EIF2B3: variants seen among roughly 807,000 people sequenced by gnomAD.
EIF2B3 encodes the protein eukaryotic translation initiation factor 2B subunit gamma.
Under a neutral mutation model 54.1 loss-of-function variants are expected in EIF2B3, and 20 were observed. The ratio of observed to expected loss-of-function variants is 0.37; its 90% CI spans 0.26 to 0.54. The LOEUF (loss-of-function observed/expected upper bound fraction) is 0.54, where lower values mean the gene tolerates loss of function less well. Ranked by LOEUF, EIF2B3 falls within the 20% of genes least tolerant of loss-of-function variation. The pLI is 0.86. For synonymous variants in EIF2B3, 153 were observed against 188.1 expected, an observed-to-expected ratio of 0.81 and a Z score of 1.52; for missense variants, 448 against 547.8, an observed-to-expected ratio of 0.82 and a Z score of 1.82.
intron 3 of EIF2B3, among the ~76,000 whole-genome samples, chr1:44,955,523 A>T (rs1644213389): frequency 6.6e-6 from 1 of 152,224 alleles, no homozygotes; most frequent in South Asian, 2.1e-4. Flanking sequence ...ATGGAATCTA[A>T]TTAAACTAAA....
intron 1 of EIF2B3, among the ~76,000 whole-genome samples, chr1:44,984,908 G>A (rs1411015356): frequency 7.1e-6 from 1 of 140,924 alleles, no homozygotes; most frequent in East Asian, 2.2e-4. Flanking sequence ...CCGGGTTCAC[G>A]CCATTCTCCT....
intron 3 of EIF2B3, among the ~76,000 whole-genome samples, chr1:44,947,695 C>CT (rs1031759390): frequency 6.6e-6 from 1 of 152,146 alleles, no homozygotes; most frequent in Non-Finnish European, 1.5e-5. Context: ...CTTCTCTACT[C>CT]ACCCAGTGCT....
intron 10 of EIF2B3, among the ~76,000 whole-genome samples, chr1:44,865,335 TC>T (rs896745422): frequency 6.6e-6 from 1 of 152,220 alleles, no homozygotes; most frequent in African/African-American, 2.4e-5. Flanking sequence ...TGATGTCTTT[TC>T]TTTGGTTCAC....
chr1:44,915,128 G>A (rs1643595780), intron 5 of EIF2B3, among the ~76,000 whole-genome samples: 1 of 151,440 alleles, frequency 6.6e-6, no homozygotes, highest in East Asian at 2.0e-4. Flanking sequence ...GTGAAACCCT[G>A]TCTCTACTTA....
At chr1:44,859,264 G>A (rs1197026537) in intron 10 of EIF2B3, among the ~76,000 whole-genome samples, 5 of 152,318 alleles carry the variant, frequency 3.3e-5, no homozygotes, top group East Asian at 1.9e-4. Context: ...TCGCACCACC[G>A]CACTCTAGCC....
Position 44,957,060 on chromosome 1 carries a change from C to T in EIF2B3, c.295-15395G>A, listed in dbSNP as rs922300263. Reference sequence around the variant, plus strand: ...GGAGGATTACTTGAACTCATGAGTTCGAGACTAGCTAGCCTAGGCAACATC... The same window carrying T: ...GGAGGATTACTTGAACTCATGAGTTTGAGACTAGCTAGCCTAGGCAACATC... On this transcript the variant is annotated intron_variant, in intron 3 of 11. Coordinates refer to ENST00000360403, the MANE Select transcript of EIF2B3 (RefSeq NM_020365.5). Among the ~76,000 whole-genome samples, 9 of 152,046 alleles carry T rather than the reference C, an allele frequency of 5.9e-5. No homozygotes were observed. In the East Asian group the frequency reaches 1.2e-3, roughly 20 times the overall value.
chr1:44,904,925 C>T (rs1474287195), intron 5 of EIF2B3, among the ~76,000 whole-genome samples: 1 of 152,074 alleles, frequency 6.6e-6, no homozygotes, highest in Non-Finnish European at 1.5e-5. Flanking sequence ...AACTAGAGAC[C>T]AAGATATGCT....
intron 3 of EIF2B3, among the ~76,000 whole-genome samples, chr1:44,962,029 T>C (rs188563948): frequency 1.3e-5 from 2 of 152,164 alleles, no homozygotes; most frequent in Admixed American, 1.3e-4. Context: ...TTGTCTCTAC[T>C]AAAAACACAA....
intron 3 of EIF2B3, among the ~76,000 whole-genome samples, chr1:44,971,422 G>A (rs1224782995): frequency 4.0e-5 from 6 of 151,428 alleles, no homozygotes; most frequent in African/African-American, 1.5e-4. Flanking sequence ...GTAACTTGGA[G>A]AGTAAAATGC....
intron 4 of EIF2B3, among the ~76,000 whole-genome samples, chr1:44,932,812 C>T (rs1315401288): frequency 6.6e-6 from 1 of 152,064 alleles, no homozygotes. Flanking sequence ...AAGTTTATAT[C>T]CAGCCAAAAT....
At chr1:44,860,182 C>T (rs1654565436) in intron 10 of EIF2B3, among the ~76,000 whole-genome samples, 1 of 152,018 alleles carries the variant, frequency 6.6e-6, no homozygotes, top group South Asian at 2.1e-4. Flanking sequence ...CAAGGTCTCA[C>T]TTTGTCACCC....
In EIF2B3 at chr1:44,879,914, C is replaced by G. The variant is rs527264601; in HGVS notation, c.879G>C (p.Leu293Phe). The change falls in exon 8 of 12, where the codon TTG becomes TTC. Residue 293 changes from leucine (L) to phenylalanine (F), a missense_variant. Leu to Phe is a conservative substitution (Grantham distance 22). Around this residue, in one of 3 missense-constraint regions of EIF2B3, gnomAD observed 350 missense variants for 414.2 expected, o/e 0.85. Transcript: ENST00000360403. ...NACRGDRWED[L>F]SRSQVRCYVH... is the part of the protein sequence containing the mutation. ...CATAGCAGCGCACCTGTGATCTGGA[C>G]AAGTCTTCCCACCTGTCTCCTCGAC... 1.9e-6 allele frequency: 3 copies of G among 1,614,172 alleles called. No individual in the cohort carries two copies. The South Asian group carries it at 3.3e-5, about 18-fold the overall frequency.
At chr1:44,946,224 C>A (rs1242227915) in intron 3 of EIF2B3, among the ~76,000 whole-genome samples, 2 of 152,128 alleles carry the variant, frequency 1.3e-5, no homozygotes, top group Admixed American at 6.6e-5. Context: ...AAGAACAGGG[C>A]CTAGCATACA....
At chr1:44,976,060 G>A (rs1644450136) in intron 3 of EIF2B3, among the ~76,000 whole-genome samples, 1 of 152,120 alleles carries the variant, frequency 6.6e-6, no homozygotes, top group Non-Finnish European at 1.5e-5. Flanking sequence ...GATGGGCAGA[G>A]ATTTCTTAGG....
At chr1:44,947,112 TC>T (rs1286204683) in intron 3 of EIF2B3, among the ~76,000 whole-genome samples, 1 of 152,108 alleles carries the variant, frequency 6.6e-6, no homozygotes, top group Non-Finnish European at 1.5e-5. Context: ...TCCAAAGATC[TC>T]CCTACTCACT....
At chr1:44,889,130 G>T (rs1051578737) in intron 6 of EIF2B3, among the ~76,000 whole-genome samples, 1 of 152,156 alleles carries the variant, frequency 6.6e-6, no homozygotes, top group African/African-American at 2.4e-5. Context: ...GAACCATCTT[G>T]AATTTTCCTT....
chr1:44,942,034 G>C (rs996963227), intron 3 of EIF2B3, among the ~76,000 whole-genome samples: 1 of 151,960 alleles, frequency 6.6e-6, no homozygotes, highest in Non-Finnish European at 1.5e-5. Context: ...CACATAGTTT[G>C]ATGACTTAAT....
At chr1:44,945,476 C>T (rs1343240663) in intron 3 of EIF2B3, among the ~76,000 whole-genome samples, 1 of 151,722 alleles carries the variant, frequency 6.6e-6, no homozygotes, top group Non-Finnish European at 1.5e-5. Context: ...ATGGCATGAA[C>T]CCAGGGGGCG....
chr1:44,903,136 A>G (rs976233054), intron 5 of EIF2B3, among the ~76,000 whole-genome samples: 1 of 152,230 alleles, frequency 6.6e-6, no homozygotes, highest in Non-Finnish European at 1.5e-5. Context: ...ACACAAAGAT[A>G]TATGTACCAT....
Sources: gnomAD v4.1 joint callset for allele counts (sites outside exome capture counted in the v4.1 genomes callset) on GRCh38, gnomAD v4.1.1 for gene constraint, gnomAD v4.1.1 regional missense constraint, MANE v1.5 for transcripts, NCBI Gene and HGNC (gene_info 2026-07-23, HGNC 2026-07-21) for gene names.